Variants in CNTNAP2 observed in about 807,000 individuals in gnomAD.
The protein encoded by CNTNAP2 is contactin-associated protein-like 2.
CNTNAP2 carries 98 observed loss-of-function variants against 155.2 expected under a neutral mutation model. That is an observed-to-expected ratio of 0.63 (90% CI 0.54 to 0.75). The LOEUF is 0.75. Ranked by LOEUF, CNTNAP2 falls within the 30% of genes least tolerant of loss-of-function variation. The probability of loss-of-function intolerance (pLI) is 0.00; values close to 1 mark genes in which losing one functional copy is unlikely to be tolerated. For missense variants in CNTNAP2, 1,727 were observed against 1,688.1 expected (o/e 1.02, Z -0.40); for synonymous variants, 651 against 631.2 (o/e 1.03, Z -0.47).
chr7:146,317,537 T>G (rs541796540), intron 1 of CNTNAP2, among the ~76,000 whole-genome samples: 1 of 152,370 alleles, frequency 6.6e-6, no homozygotes, highest in South Asian at 2.1e-4. Flanking sequence ...AACTACTGAT[T>G]TCGTCTCAGT....
chr7:146,552,816 A>G (rs552701894), intron 1 of CNTNAP2, among the ~76,000 whole-genome samples: 2 of 152,192 alleles, frequency 1.3e-5, no homozygotes, highest in East Asian at 1.9e-4. Context: ...GACATTGTAC[A>G]TACATGCAAT....
At chr7:148,193,688 C>T (rs1795233503) in intron 18 of CNTNAP2, among the ~76,000 whole-genome samples, 1 of 152,110 alleles carries the variant, frequency 6.6e-6, no homozygotes, top group Admixed American at 6.5e-5. Flanking sequence ...GTATTCCACA[C>T]ACTCCATGGT....
intron 16 of CNTNAP2, among the ~76,000 whole-genome samples, chr7:148,119,076 A>T (rs1804541121): frequency 6.6e-6 from 1 of 152,174 alleles, no homozygotes; most frequent in Non-Finnish European, 1.5e-5. Context: ...CTTCCAGGCC[A>T]GTTGATTATT....
At chr7:146,393,091 T>A (rs1224689759) in intron 1 of CNTNAP2, among the ~76,000 whole-genome samples, 1 of 152,202 alleles carries the variant, frequency 6.6e-6, no homozygotes, top group Admixed American at 6.5e-5. Flanking sequence ...TGCGCTTCTA[T>A]TATCTTCTAA....
intron 6 of CNTNAP2, among the ~76,000 whole-genome samples, chr7:147,124,876 C>CTTTTTTTTTT (rs371912854): frequency 2.5e-4 from 20 of 80,076 alleles, no homozygotes; most frequent in Non-Finnish European, 3.4e-4. Flanking sequence ...CCTTTTTTTC[C>CTTTTTTTTTT]TTTTTTTTTT....
intron 3 of CNTNAP2, chr7:146,915,863 G>C (rs574363449): frequency 6.6e-6 from 1 of 152,106 alleles, no homozygotes. Flanking sequence ...ATGTTGAATA[G>C]AAGTGGTGAA....
chr7:147,327,743 T>A (rs1480140994), intron 9 of CNTNAP2, among the ~76,000 whole-genome samples: 1 of 152,166 alleles, frequency 6.6e-6, no homozygotes, highest in East Asian at 1.9e-4. Flanking sequence ...CTGAGCTTAG[T>A]GGGACTTAAG....
intron 13 of CNTNAP2, among the ~76,000 whole-genome samples, chr7:147,900,327 C>T (rs953439282): frequency 9.9e-5 from 15 of 152,098 alleles, no homozygotes; most frequent in African/African-American, 3.1e-4. Context: ...GGCTATTCCC[C>T]CATGCTGTTC....
At chr7:147,730,077 ACACTTTTAGTAT>A (rs1282998808) in intron 13 of CNTNAP2, among the ~76,000 whole-genome samples, 1 of 152,110 alleles carries the variant, frequency 6.6e-6, no homozygotes, top group East Asian at 1.9e-4. Context: ...AAACAGGAAC[ACACTTTTAGTAT>A]TTAGGCTAAT....
intron 1 of CNTNAP2, among the ~76,000 whole-genome samples, chr7:146,367,451 A>G (rs1795172035): frequency 6.6e-6 from 1 of 152,156 alleles, no homozygotes. Context: ...AAAAAGCTGT[A>G]CATAATACTA....
intron 16 of CNTNAP2, among the ~76,000 whole-genome samples, chr7:148,132,408 T>C (rs1168904188): frequency 6.6e-6 from 1 of 151,416 alleles, no homozygotes; most frequent in African/African-American, 2.4e-5. Context: ...TTAGTTTAGG[T>C]ACTTCTCAAT....
chr7:146,311,780 T>G (rs908974599), intron 1 of CNTNAP2: 5 of 151,490 alleles, frequency 3.3e-5, no homozygotes, highest in African/African-American at 9.7e-5. Context: ...CAGAGATTTA[T>G]TTGTCCCATC....
At chr7:147,443,750 T>C (rs1251416554) in intron 10 of CNTNAP2, among the ~76,000 whole-genome samples, 1 of 152,196 alleles carries the variant, frequency 6.6e-6, no homozygotes, top group Non-Finnish European at 1.5e-5. Context: ...GATATGTTTG[T>C]GACTTTATGT....
At chr7:146,173,325 G>A (rs774293579) in intron 1 of CNTNAP2, among the ~76,000 whole-genome samples, 2 of 152,010 alleles carry the variant, frequency 1.3e-5, no homozygotes, top group African/African-American at 4.8e-5. Flanking sequence ...CATATTATAT[G>A]TATCTTGTTT....
chr7:147,025,050 G>A (rs1014789679), intron 3 of CNTNAP2, among the ~76,000 whole-genome samples: 1 of 151,566 alleles, frequency 6.6e-6, no homozygotes, highest in Non-Finnish European at 1.5e-5. Flanking sequence ...TTGGGAGGCT[G>A]AGGCAAGTGG....
At chr7:146,985,410 T>C (rs937636754) in intron 3 of CNTNAP2, among the ~76,000 whole-genome samples, 2 of 148,642 alleles carry the variant, frequency 1.3e-5, no homozygotes, top group Non-Finnish European at 3.0e-5. Context: ...CTCCGCCTCC[T>C]GGGTTCATGC....
intron 3 of CNTNAP2, among the ~76,000 whole-genome samples, chr7:147,037,088 G>T (rs1799164416): frequency 6.6e-6 from 1 of 152,050 alleles, no homozygotes; most frequent in Non-Finnish European, 1.5e-5. Context: ...AATCACAAAA[G>T]AAGCTTGATT....
chr7:146,668,246 T>G (rs1198693000), intron 1 of CNTNAP2, among the ~76,000 whole-genome samples: 1 of 152,190 alleles, frequency 6.6e-6, no homozygotes, highest in Non-Finnish European at 1.5e-5. Context: ...TTGTCTTTAA[T>G]TATATTGATT....
chr7:147,531,826 A>C (rs1799436550), intron 11 of CNTNAP2, among the ~76,000 whole-genome samples: 1 of 127,106 alleles, frequency 7.9e-6, no homozygotes, highest in African/African-American at 3.0e-5. Flanking sequence ...TTTTTTTCCG[A>C]GACAAAGTCT....
Sources: gnomAD v4.1 joint callset for allele counts (sites outside exome capture counted in the v4.1 genomes callset) on GRCh38, gnomAD v4.1.1 for gene constraint, MANE v1.5 for transcripts, NCBI Gene and HGNC (gene_info 2026-07-23, HGNC 2026-07-21) for gene names.